The following SECISBP2 variants were observed in gnomAD, a reference collection of about 807,000 sequenced individuals.
SECISBP2 encodes the protein SECIS binding protein 2, also known as selenocysteine insertion sequence-binding protein 2.
SECISBP2 carries 96 observed loss-of-function variants against 98.2 expected under a neutral mutation model. That is an observed-to-expected ratio of 0.98 (90% CI 0.83 to 1.16). The LOEUF is 1.16. SECISBP2 is among the 50% of genes most tolerant of loss of function. The pLI, the probability that SECISBP2 is intolerant of heterozygous loss-of-function variation, is 0.00. For missense variants in SECISBP2, 1,046 were observed against 1,022.9 expected, an observed-to-expected ratio of 1.02 and a Z score of -0.31; for synonymous variants, 407 against 370.2, an observed-to-expected ratio of 1.10 and a Z score of -1.14.
At chr9:89,354,932 C>G in intron 14 of SECISBP2, 1 of 985,410 alleles carries the variant, frequency 1.0e-6, no homozygotes, top group South Asian at 4.7e-5. Context: ...ACGGAACACT[C>G]CACCCCACCT....
intron 9 of SECISBP2, 30 bp from the exon 10 acceptor site, chr9:89,341,317 T>C: frequency 3.1e-6 from 5 of 1,597,876 alleles, no homozygotes; most frequent in Non-Finnish European, 4.3e-6. Flanking sequence ...TATAGTTTTA[T>C]AAGTAAACTT....
At position 89,328,726 on chromosome 9, in the gene SECISBP2, C is replaced by G; in HGVS notation, c.641C>G (p.Pro214Arg). 6.2e-7 allele frequency: 1 copy of G among 1,614,198 alleles called. No homozygotes were observed. Among genetic ancestry groups the G allele is most frequent in the South Asian group, 1.1e-5 (1 of 91,086 alleles). Residue 214 changes from proline to arginine, a missense_variant, in exon 5 of 17, where the codon CCT becomes CGT. Pro to Arg is a moderately radical substitution (Grantham distance 103). Coordinates refer to ENST00000375807, the MANE Select transcript of SECISBP2 (RefSeq NM_024077.5). ...IIAKNVSTSKPEFEFTTLDFP... is the reference protein window; with the variant it reads ...IIAKNVSTSKREFEFTTLDFP... ...GCAAAAAATGTATCTACCTCCAAAC[C>G]TGAGTTTGAATTTACCACACTGGAC...
At chr9:89,346,847 G>A (rs770877440) in intron 10 of SECISBP2, 35 bp from the exon 11 acceptor site, 3 of 1,613,156 alleles carry the variant, frequency 1.9e-6, no homozygotes, top group Admixed American at 1.7e-5. Context: ...GCATCTGGGA[G>A]GTGACCGTGA....
At chr9:89,340,161 T>C (rs746160718) in intron 9 of SECISBP2, among the ~76,000 whole-genome samples, 10 of 152,240 alleles carry the variant, frequency 6.6e-5, no homozygotes, top group African/African-American at 1.9e-4. Flanking sequence ...ATAAGACTTA[T>C]TTTATAAGAT....
In SECISBP2 at chr9:89,349,891, C is replaced by T. The variant is rs772522221; in HGVS notation, c.1854C>T (p.His618=). 1.9e-6 allele frequency: 3 copies of T among 1,614,134 alleles called. No individual in the cohort carries two copies. The highest frequency in any genetic ancestry group is 8.5e-7 in the Non-Finnish European group (1 of 1,180,042). ...AGGCCTCCCACCTTGCTCCCAATCA[C>T]ACCACCTTCCCTAAGATCCACAGCC... ...DTEASHLAPN[H]TTFPKIHSRR... The change falls in exon 13 of 17, where the codon CAC becomes CAT. Residue 618 remains histidine, a synonymous_variant. Transcript: ENST00000375807.
chr9:89,332,492 G>C (rs1437637001), intron 5 of SECISBP2: 1 of 252,786 alleles, frequency 4.0e-6, no homozygotes, highest in Non-Finnish European at 7.7e-6. Context: ...CCTCCCCTCA[G>C]CCCCTGCTAA....
chr9:89,347,465 C>CTTTTTTTT (rs1184563393), intron 11 of SECISBP2, among the ~76,000 whole-genome samples: 3 of 87,396 alleles, frequency 3.4e-5, no homozygotes, highest in Non-Finnish European at 6.6e-5. Context: ...CCGGTGAATT[C>CTTTTTTTT]TTTTTTTTTT....
chr9:89,318,638 G>C, intron 1 of SECISBP2, 26 bp downstream of exon 1: 1 of 1,414,776 alleles, frequency 7.1e-7, no homozygotes, highest in Non-Finnish European at 9.2e-7. Context: ...GGCTCTCTCG[G>C]CAGCCTCAGT....
intron 2 of SECISBP2, among the ~76,000 whole-genome samples, chr9:89,321,178 T>TC (rs1403119518): frequency 6.6e-6 from 1 of 152,222 alleles, no homozygotes; most frequent in African/African-American, 2.4e-5. Context: ...CTTGAGTTGT[T>TC]CCCTACCTTG....
chr9:89,331,811 G>A (rs938757811), intron 5 of SECISBP2, among the ~76,000 whole-genome samples: 1 of 152,198 alleles, frequency 6.6e-6, no homozygotes, highest in African/African-American at 2.4e-5. Context: ...AAGCTTGTCA[G>A]TAGTATGTTA....
downstream of SECISBP2, among the ~76,000 whole-genome samples, chr9:89,362,847 C>A (rs1018323411): frequency 6.6e-6 from 1 of 152,212 alleles, no homozygotes; most frequent in Non-Finnish European, 1.5e-5. Context: ...TGAATCCCTG[C>A]CTTTGCCTTC....
In SECISBP2 at chr9:89,334,584, G is replaced by A; in HGVS notation, c.943G>A (p.Ala315Thr). The change falls in exon 7 of 17, where the codon GCC becomes ACC. Residue 315 changes from alanine (A) to threonine (T), a missense_variant. Transcript: ENST00000375807. ...GACATTATCTACAGAACTGTCAGCA[G>A]CCCCTAAAAATGTTACTTCTATGAT... is the stretch of plus-strand genomic sequence containing the variant. ...RQTLSTELSA[A>T]PKNVTSMINL... 1 of 1,614,186 alleles carries A rather than the reference G, an allele frequency of 6.2e-7. No individual in the cohort carries two copies. Among genetic ancestry groups the A allele is most frequent in the South Asian group, 1.1e-5 (1 of 91,084 alleles).
In SECISBP2 at chr9:89,333,001, A is replaced by G; in HGVS notation, c.880+15A>G. The G allele has an allele frequency of 6.2e-7, 1 of 1,604,692 alleles. No individual in the cohort carries two copies. ...ATGTACAAGAGGTAAAAGTGGCTGC[A>G]AAAATGTTAATTTTTAAAATGTCAT... On this transcript the variant is annotated intron_variant, in intron 6 of 16. Transcript: ENST00000375807.
At position 89,328,726 on chromosome 9, in the gene SECISBP2, C is replaced by T. The variant is rs1479360071; in HGVS notation, c.641C>T (p.Pro214Leu). 1.9e-6 allele frequency: 3 copies of T among 1,614,198 alleles called. No homozygotes were observed. The highest frequency in any genetic ancestry group is 2.5e-6 in the Non-Finnish European group (3 of 1,180,028). Reference sequence around the variant, plus strand: ...GCAAAAAATGTATCTACCTCCAAACCTGAGTTTGAATTTACCACACTGGAC... The same window carrying T: ...GCAAAAAATGTATCTACCTCCAAACTTGAGTTTGAATTTACCACACTGGAC... ...IIAKNVSTSK[P>L]EFEFTTLDFP... Residue 214 changes from proline (P) to leucine (L), a missense_variant, in exon 5 of 17, where the codon CCT (proline) becomes CTT (leucine). By Grantham distance (98) the Pro-to-Leu change is moderately conservative. Coordinates refer to ENST00000375807, the MANE Select transcript of SECISBP2 (RefSeq NM_024077.5).
chr9:89,332,638 G>A, intron 5 of SECISBP2: 1 of 483,930 alleles, frequency 2.1e-6, no homozygotes, highest in South Asian at 2.2e-5. Flanking sequence ...AAACATCCAT[G>A]TGCAGGTTTT....
At chr9:89,319,506 A>T (rs1002994621) in intron 1 of SECISBP2, 146 bp from the exon 2 acceptor site, 36 of 854,322 alleles carry the variant, frequency 4.2e-5, no homozygotes, top group Non-Finnish European at 6.3e-5. Flanking sequence ...GTTAGCAAGC[A>T]GGTTCTTGTC....
intron 16 of SECISBP2, among the ~76,000 whole-genome samples, chr9:89,358,473 C>T (rs1296167499): frequency 2.0e-5 from 3 of 151,070 alleles, no homozygotes; most frequent in East Asian, 4.0e-4. Flanking sequence ...AGGTTCAGTC[C>T]TCTCCTAGCC....
chr9:89,341,731 T>C (rs1347413434), intron 10 of SECISBP2, among the ~76,000 whole-genome samples: 1 of 152,212 alleles, frequency 6.6e-6, no homozygotes, highest in Admixed American at 6.5e-5. Flanking sequence ...AAAATGGTAT[T>C]AGAACATCTA....
chr9:89,361,835 C>T (rs1832787520), downstream of SECISBP2: 2 of 157,646 alleles, frequency 1.3e-5, no homozygotes, highest in African/African-American at 2.4e-5. Flanking sequence ...TAGGGCAAGG[C>T]ATTTCCATGT....
Sources: gnomAD v4.1 joint callset for allele counts (sites outside exome capture counted in the v4.1 genomes callset) on GRCh38, gnomAD v4.1.1 for gene constraint, MANE v1.5 for transcripts, NCBI Gene and HGNC (gene_info 2026-07-23, HGNC 2026-07-21) for gene names.